FHIT: variants seen among roughly 807,000 people sequenced by gnomAD.
FHIT encodes the protein bis(5'-adenosyl)-triphosphatase.
FHIT carries 19 observed loss-of-function variants against 17.9 expected under a neutral mutation model. That is an observed-to-expected ratio of 1.06 (90% CI 0.74 to 1.56). The LOEUF is 1.56. Ranked by LOEUF, FHIT falls within the 40% of genes most tolerant of loss-of-function variation. The pLI is 0.00. For synonymous variants in FHIT, 81 were observed against 69.7 expected (o/e 1.16, Z -0.81); for missense variants, 248 against 189.2 (o/e 1.31, Z -1.82).
intron 5 of FHIT, among the ~76,000 whole-genome samples, chr3:60,357,800 A>G (rs1482435417): frequency 7.3e-6 from 1 of 136,814 alleles, no homozygotes; most frequent in African/African-American, 2.5e-5. Context: ...AATTTTCACA[A>G]CGCTTAATCA....
rs1702744829 is a variant in FHIT, at chr3:60,842,231, T to C, written c.-110-20220A>G. On this transcript the variant is annotated intron_variant, in intron 3 of 9. Transcript: ENST00000492590. ...TGACACCAGTGAATCTGGAGTTCTCTGTAGTAATGAGCAACACAAATATCT... is the reference window on the plus strand; with the variant it reads ...TGACACCAGTGAATCTGGAGTTCTCCGTAGTAATGAGCAACACAAATATCT... Among the ~76,000 whole-genome samples, 3 of 152,100 alleles carry C rather than the reference T, an allele frequency of 2.0e-5. No homozygotes were observed. In the South Asian group the frequency reaches 6.2e-4, roughly 32 times the overall value.
chr3:60,526,579 C>T (rs912099706), intron 5 of FHIT, among the ~76,000 whole-genome samples: 1 of 152,116 alleles, frequency 6.6e-6, no homozygotes, highest in Admixed American at 6.5e-5. Context: ...GAACACTACT[C>T]CTCTTCAGTG....
At chr3:60,457,843 C>A (rs1443098936) in intron 5 of FHIT, among the ~76,000 whole-genome samples, 9 of 152,080 alleles carry the variant, frequency 5.9e-5, no homozygotes, top group Admixed American at 5.9e-4. Flanking sequence ...CGCTCATCAT[C>A]ACTGGCCATC....
intron 3 of FHIT, among the ~76,000 whole-genome samples, chr3:60,859,311 G>C (rs945740588): frequency 6.6e-6 from 1 of 152,112 alleles, no homozygotes; most frequent in East Asian, 1.9e-4. Context: ...ATTACTATGC[G>C]TGCACAGAAG....
At chr3:60,651,790 G>T (rs2039997218) in intron 4 of FHIT, among the ~76,000 whole-genome samples, 1 of 152,124 alleles carries the variant, frequency 6.6e-6, no homozygotes, top group African/African-American at 2.4e-5. Context: ...AAAATGAAGA[G>T]CTACATGGTA....
chr3:61,102,179 T>A (rs1288046504), intron 2 of FHIT, among the ~76,000 whole-genome samples: 2 of 152,234 alleles, frequency 1.3e-5, no homozygotes, highest in African/African-American at 2.4e-5. Context: ...CAGTATGATA[T>A]TGGCTGCGGG....
intron 7 of FHIT, among the ~76,000 whole-genome samples, chr3:59,992,718 GAAGT>G (rs1225678451): frequency 6.6e-6 from 1 of 152,052 alleles, no homozygotes; most frequent in Non-Finnish European, 1.5e-5. Flanking sequence ...GAGAACAGCA[GAAGT>G]AAGGCAGAGG....
At chr3:60,979,448 G>A (rs1047224823) in intron 3 of FHIT, among the ~76,000 whole-genome samples, 1 of 152,190 alleles carries the variant, frequency 6.6e-6, no homozygotes, top group Middle Eastern at 3.2e-3. Flanking sequence ...GAAAAAGGAG[G>A]AGGAGCTACT....
At chr3:60,449,149 G>A (rs391770) in intron 5 of FHIT, among the ~76,000 whole-genome samples, 76,017 of 151,960 alleles carry the variant, frequency 0.5, 21,311 homozygotes, top group African/African-American at 0.75. Flanking sequence ...ATCTTTGAGA[G>A]GGAAAAACTC....
intron 5 of FHIT, among the ~76,000 whole-genome samples, chr3:60,514,021 C>T (rs1159929157): frequency 6.6e-6 from 1 of 152,128 alleles, no homozygotes; most frequent in African/African-American, 2.4e-5. Context: ...CAGCCTTACT[C>T]CAAGGGAAGA....
chr3:60,375,861 A>G (rs1004910889), intron 5 of FHIT, among the ~76,000 whole-genome samples: 1 of 152,138 alleles, frequency 6.6e-6, no homozygotes, highest in African/African-American at 2.4e-5. Context: ...AACGATAAAA[A>G]TGTTCCAGAT....
At chr3:60,910,572 C>A (rs1425157702) in intron 3 of FHIT, among the ~76,000 whole-genome samples, 2 of 151,962 alleles carry the variant, frequency 1.3e-5, no homozygotes, top group Non-Finnish European at 2.9e-5. Context: ...CCACCACGCC[C>A]GGCTAATTTT....
intron 5 of FHIT, among the ~76,000 whole-genome samples, chr3:60,383,555 C>G (rs1471219541): frequency 6.6e-6 from 1 of 151,832 alleles, no homozygotes; most frequent in Non-Finnish European, 1.5e-5. Context: ...TTATCCCACC[C>G]AAAATGTCAA....
chr3:60,691,739 T>C (rs1577074311), intron 4 of FHIT, among the ~76,000 whole-genome samples: 1 of 152,216 alleles, frequency 6.6e-6, no homozygotes, highest in Non-Finnish European at 1.5e-5. Flanking sequence ...CATTCTGGTC[T>C]CTTTACAATA....
intron 3 of FHIT, among the ~76,000 whole-genome samples, chr3:60,938,075 A>G (rs1228422425): frequency 4.6e-5 from 7 of 152,170 alleles, no homozygotes; most frequent in Admixed American, 4.6e-4. Context: ...CTCCAGGAGA[A>G]AGTTAAATAC....
chr3:60,891,221 T>A (rs2107175385), intron 3 of FHIT, among the ~76,000 whole-genome samples: 1 of 152,248 alleles, frequency 6.6e-6, no homozygotes, highest in East Asian at 1.9e-4. Flanking sequence ...TACCTTCCCA[T>A]CATCCGTGCA....
chr3:60,098,081 T>C (rs1704037147), intron 5 of FHIT, among the ~76,000 whole-genome samples: 3 of 151,266 alleles, frequency 2.0e-5, no homozygotes, highest in Non-Finnish European at 4.4e-5. Context: ...TTCCATGGTG[T>C]ATATGTGCCA....
chr3:59,787,481 A>AACAC (rs58100812), intron 8 of FHIT, among the ~76,000 whole-genome samples: 5,122 of 142,374 alleles, frequency 0.036, 141 homozygotes, highest in South Asian at 0.13. Flanking sequence ...CAAGGGGCAA[A>AACAC]ACACACACAC....
chr3:60,318,936 G>A (rs1351185517), intron 5 of FHIT, among the ~76,000 whole-genome samples: 1 of 152,090 alleles, frequency 6.6e-6, no homozygotes, highest in African/African-American at 2.4e-5. Context: ...TCCTTGGTTT[G>A]TAGTTCTTTC....
Sources: allele counts gnomAD v4.1 joint callset (sites outside exome capture counted in the v4.1 genomes callset), GRCh38; gene constraint gnomAD v4.1.1; transcripts MANE v1.5; gene names NCBI Gene and HGNC (gene_info 2026-07-23, HGNC 2026-07-21).